The following LINGO2 variants were observed in gnomAD, a reference collection of about 807,000 sequenced individuals.
LINGO2 encodes the protein leucine-rich repeat and immunoglobulin-like domain-containing nogo receptor-interacting protein 2.
Under a neutral mutation model 30.6 loss-of-function variants are expected in LINGO2, and 14 were observed. The ratio of observed to expected loss-of-function variants is 0.46; its 90% CI spans 0.30 to 0.72. The LOEUF (loss-of-function observed/expected upper bound fraction) is 0.72, where lower values mean the gene tolerates loss of function less well. LINGO2 is among the 30% of genes least tolerant of loss of function. The probability of loss-of-function intolerance (pLI) is 0.07; values close to 1 mark genes in which losing one functional copy is unlikely to be tolerated. For synonymous variants in LINGO2, 317 were observed against 288.5 expected (o/e 1.10, Z -1.00); for missense variants, 729 against 751.7 (o/e 0.97, Z 0.35).
At chr9:28,126,437 A>G (rs1266286732) in intron 4 of LINGO2, among the ~76,000 whole-genome samples, 1 of 152,218 alleles carries the variant, frequency 6.6e-6, no homozygotes, top group African/African-American at 2.4e-5. Context: ...AGAGTTGTAT[A>G]TGGAACTCTA....
chr9:28,835,142 G>A, the LINGO2 span, among the ~76,000 whole-genome samples: 1 of 152,062 alleles, frequency 6.6e-6, no homozygotes, highest in Admixed American at 6.6e-5. Flanking sequence ...GGTGAGAGTT[G>A]GCATCTCTGA....
the LINGO2 span, among the ~76,000 whole-genome samples, chr9:28,994,537 C>A: frequency 7.5e-4 from 112 of 150,334 alleles, no homozygotes; most frequent in African/African-American, 2.4e-3. Flanking sequence ...TCATATGGAA[C>A]CAAAAAAGAG....
the LINGO2 span, among the ~76,000 whole-genome samples, chr9:28,870,503 A>C: frequency 2.0e-5 from 3 of 152,016 alleles, no homozygotes; most frequent in Admixed American, 6.6e-5. Context: ...TCAGGACCCC[A>C]CAGACCAATG....
chr9:28,584,764 A>G lies in LINGO2; in HGVS notation c.-365+85436T>C, dbSNP rs148939774. On this transcript the variant is annotated intron_variant, in intron 1 of 5. Transcript: ENST00000379992. ...AGTCATCATTTATACTGTTGAAGAG[A>G]GATCAGAAAGAAAATTAAAATTCAT... 2.0e-3 allele frequency among the ~76,000 whole-genome samples: 299 copies of G among 152,174 alleles called. 2 individuals are homozygous for G. The highest frequency in any genetic ancestry group is 6.9e-3 in the African/African-American group (287 of 41,570).
intron 5 of LINGO2, among the ~76,000 whole-genome samples, chr9:27,989,840 G>A (rs1330023616): frequency 6.6e-6 from 1 of 151,984 alleles, no homozygotes; most frequent in Non-Finnish European, 1.5e-5. Context: ...TTGTAGAACT[G>A]GGATTTAAAC....
the LINGO2 span, among the ~76,000 whole-genome samples, chr9:29,101,606 A>G: frequency 2.0e-5 from 3 of 152,150 alleles, no homozygotes; most frequent in African/African-American, 4.8e-5. Context: ...TCTATTCTCT[A>G]TATCCACGAG....
At chr9:28,354,289 C>T (rs192219785) in intron 3 of LINGO2, among the ~76,000 whole-genome samples, 9 of 152,152 alleles carry the variant, frequency 5.9e-5, no homozygotes, top group South Asian at 2.1e-4. Flanking sequence ...TACTATGTTG[C>T]GGTTCATTAT....
At chr9:28,351,672 C>T (rs1339710196) in intron 3 of LINGO2, among the ~76,000 whole-genome samples, 3 of 149,836 alleles carry the variant, frequency 2.0e-5, no homozygotes, top group Non-Finnish European at 3.0e-5. Context: ...CATTCTGATA[C>T]CAAAGCCAGG....
intron 4 of LINGO2, among the ~76,000 whole-genome samples, chr9:28,197,382 T>A (rs1164502185): frequency 2.6e-5 from 4 of 151,538 alleles, no homozygotes; most frequent in South Asian, 2.1e-4. Context: ...AGTAAAGATT[T>A]AAAAAAAACA....
chr9:28,911,023 T>G, the LINGO2 span, among the ~76,000 whole-genome samples: 10 of 152,072 alleles, frequency 6.6e-5, no homozygotes. Flanking sequence ...TAAGTCTGTT[T>G]TTGTTTTTCC....
chr9:28,090,620 C>A (rs540707543), intron 4 of LINGO2, among the ~76,000 whole-genome samples: 1 of 152,204 alleles, frequency 6.6e-6, no homozygotes, highest in Admixed American at 6.5e-5. Context: ...ACTTAATGGG[C>A]AAAAACCGGA....
intron 4 of LINGO2, among the ~76,000 whole-genome samples, chr9:28,135,687 G>A (rs1433919298): frequency 1.3e-5 from 2 of 151,950 alleles, no homozygotes; most frequent in African/African-American, 4.8e-5. Flanking sequence ...ACTCAGCCAC[G>A]TTAATCTTTT....
At position 28,640,110 on chromosome 9, in the gene LINGO2, G is replaced by A. The variant is rs1178516764; in HGVS notation, c.-365+30090C>T. ...AGTTTGGCTGGATATGAAATTCTGG[G>A]TTGAAAATTCTTTTCTTTAAGAATG... On this transcript the variant is annotated intron_variant, in intron 1 of 5. Transcript: ENST00000379992. Among the ~76,000 whole-genome samples the A allele has an allele frequency of 2.0e-5, 3 of 152,114 alleles. No homozygotes were observed. In the South Asian group the frequency reaches 6.2e-4, roughly 32 times the overall value.
At chr9:28,991,233 G>A in the LINGO2 span, among the ~76,000 whole-genome samples, 1 of 151,834 alleles carries the variant, frequency 6.6e-6, no homozygotes, top group African/African-American at 2.4e-5. Flanking sequence ...AGCCTCAGGA[G>A]CCGACGCGAT....
At chr9:28,723,240 C>T in the LINGO2 span, among the ~76,000 whole-genome samples, 5 of 152,054 alleles carry the variant, frequency 3.3e-5, no homozygotes, top group South Asian at 2.1e-4. Flanking sequence ...TCTCAGGTGA[C>T]GTTGCTGTTG....
intron 1 of LINGO2, among the ~76,000 whole-genome samples, chr9:28,583,086 T>C (rs1043258687): frequency 6.6e-6 from 1 of 151,934 alleles, no homozygotes; most frequent in Non-Finnish European, 1.5e-5. Context: ...TCAGTCAATA[T>C]AAAAAATGCT....
chr9:27,955,749 G>C (rs1449359078), intron 5 of LINGO2, among the ~76,000 whole-genome samples: 1 of 151,836 alleles, frequency 6.6e-6, no homozygotes, highest in East Asian at 1.9e-4. Flanking sequence ...AAACATCTTT[G>C]TGCATACTTA....
At chr9:28,445,774 T>A (rs1451482441) in intron 2 of LINGO2, among the ~76,000 whole-genome samples, 1 of 152,094 alleles carries the variant, frequency 6.6e-6, no homozygotes, top group Non-Finnish European at 1.5e-5. Context: ...CTGGTGACAA[T>A]GTTACTTATT....
At chr9:29,009,736 C>A in the LINGO2 span, among the ~76,000 whole-genome samples, 2 of 152,012 alleles carry the variant, frequency 1.3e-5, no homozygotes, top group South Asian at 4.2e-4. Context: ...AATCCTAAGC[C>A]AAAGAACAAA....
Sources: allele counts gnomAD v4.1 joint callset (sites outside exome capture counted in the v4.1 genomes callset), GRCh38; gene constraint gnomAD v4.1.1; transcripts MANE v1.5; gene names NCBI Gene and HGNC (gene_info 2026-07-23, HGNC 2026-07-21).